FNDC3B: variants seen among roughly 807,000 people sequenced by gnomAD.
FNDC3B encodes the protein fibronectin type III domain containing 3B.
Under a neutral mutation model 151.5 loss-of-function variants are expected in FNDC3B, and 12 were observed. That is an observed-to-expected ratio of 0.08 (90% confidence interval 0.05 to 0.13). FNDC3B has a LOEUF of 0.13. Among genes scored for constraint, FNDC3B ranks in the 10% least tolerant of loss-of-function variants. The probability of loss-of-function intolerance (pLI) is 1.00; values close to 1 mark genes in which losing one functional copy is unlikely to be tolerated. For synonymous variants in FNDC3B, 528 were observed against 549.0 expected (o/e 0.96, Z 0.54); for missense variants, 1,214 against 1,505.3 (o/e 0.81, Z 3.20).
At chr3:172,167,161 T>A (rs1258115143) in intron 3 of FNDC3B, among the ~76,000 whole-genome samples, 6 of 152,214 alleles carry the variant, frequency 3.9e-5, no homozygotes. Context: ...TTTGGGAGGC[T>A]GAGGCGGGCG....
intron 1 of FNDC3B, among the ~76,000 whole-genome samples, chr3:172,105,782 C>A (rs964406817): frequency 5.3e-5 from 8 of 152,152 alleles, no homozygotes; most frequent in Non-Finnish European, 1.0e-4. Flanking sequence ...GCTGTATTTT[C>A]TGAAACTTGA....
chr3:172,342,666 G>A (rs966243427), intron 17 of FNDC3B, among the ~76,000 whole-genome samples: 2 of 151,720 alleles, frequency 1.3e-5, no homozygotes, highest in African/African-American at 2.4e-5. Context: ...CTGTCGTTTT[G>A]TGTTCTCTTC....
intron 1 of FNDC3B, among the ~76,000 whole-genome samples, chr3:172,074,235 T>C (rs1266762735): frequency 1.3e-5 from 2 of 152,204 alleles, no homozygotes; most frequent in Admixed American, 6.5e-5. Context: ...GTGGCCCTCT[T>C]GTGTGCAAGT....
chr3:172,337,983 A>G (rs1240096588), intron 16 of FNDC3B: 1 of 152,532 alleles, frequency 6.6e-6, no homozygotes, highest in Non-Finnish European at 1.5e-5. Flanking sequence ...CTAATTAATC[A>G]GATAAATTTG....
At chr3:172,289,130 T>C (rs1204201381) in intron 7 of FNDC3B, among the ~76,000 whole-genome samples, 1 of 152,216 alleles carries the variant, frequency 6.6e-6, no homozygotes, top group African/African-American at 2.4e-5. Flanking sequence ...ATCAAGGTGT[T>C]GGCAGGGCTA....
In FNDC3B at chr3:172,401,319, T is replaced by C. The variant is rs1736569184; in HGVS notation, c.*3844T>C. On this transcript the variant is annotated 3_prime_UTR_variant, in exon 26 of 26. Coordinates refer to ENST00000415807, the MANE Select transcript of FNDC3B (RefSeq NM_022763.4). ...GGCCTTCTGCAGAGACAGCAGCAGC[T>C]CAGCTCTTGCTGACCAAGGCCTTGG... is the stretch of plus-strand genomic sequence containing the variant. 1 of 152,230 alleles carries C rather than the reference T, an allele frequency of 6.6e-6. No individual in the cohort carries two copies. The highest frequency in any genetic ancestry group is 1.5e-5 in the Non-Finnish European group (1 of 68,062). 9.4% of individuals were successfully genotyped at this position (152,230 alleles called of 1,614,324 possible). A position where few individuals can be genotyped will look rare whatever the true frequency, so the allele number is the denominator to read the frequency against.
intron 3 of FNDC3B, among the ~76,000 whole-genome samples, chr3:172,166,416 A>G (rs1203012520): frequency 6.6e-6 from 1 of 151,078 alleles, no homozygotes; most frequent in African/African-American, 2.4e-5. Flanking sequence ...TTGACCTCCC[A>G]CCATTGAAAT....
chr3:172,361,732 C>G (rs1480198590), intron 22 of FNDC3B, among the ~76,000 whole-genome samples: 2 of 152,198 alleles, frequency 1.3e-5, no homozygotes, highest in East Asian at 1.9e-4. Context: ...TAGCAACCCT[C>G]TACTCCTCAA....
At chr3:172,268,662 T>C (rs1026371193) in intron 6 of FNDC3B, among the ~76,000 whole-genome samples, 1 of 152,220 alleles carries the variant, frequency 6.6e-6, no homozygotes, top group Non-Finnish European at 1.5e-5. Flanking sequence ...TTCGTGGTAT[T>C]GCTAGGACCT....
chr3:172,208,681 G>T (rs930920403), intron 3 of FNDC3B, among the ~76,000 whole-genome samples: 5 of 150,768 alleles, frequency 3.3e-5, no homozygotes, highest in African/African-American at 1.2e-4. Context: ...CGGCGCCTCT[G>T]CTTGAGTTTT....
At chr3:172,200,812 C>T (rs1725108839) in intron 3 of FNDC3B, among the ~76,000 whole-genome samples, 1 of 152,130 alleles carries the variant, frequency 6.6e-6, no homozygotes, top group Non-Finnish European at 1.5e-5. Flanking sequence ...AGATAAGTGA[C>T]CTAGCTTGAA....
chr3:172,358,451 C>T (rs1734201097), intron 22 of FNDC3B, among the ~76,000 whole-genome samples: 1 of 152,242 alleles, frequency 6.6e-6, no homozygotes, highest in Non-Finnish European at 1.5e-5. Context: ...AGATCTTTGT[C>T]TCACTCTCAC....
chr3:172,378,423 C>T lies in FNDC3B; in HGVS notation c.3162C>T (p.Pro1054=). The T allele has an allele frequency of 6.2e-7, 1 of 1,611,538 alleles. No homozygotes were observed. The highest frequency in any genetic ancestry group is 8.5e-7 in the Non-Finnish European group (1 of 1,179,002). ...CCTTCAGCACAACCAAAAGTGTCCC[C>T]CCCACCATCAAAGGTGTGTAGACTA... ...TYTFSTTKSV[P]PTIKAPRVTQ... The change falls in exon 24 of 26, where the codon CCC becomes CCT. Residue 1054 remains proline (P), a synonymous_variant. Transcript: ENST00000415807.
At chr3:172,215,946 A>T (rs879312639) in intron 3 of FNDC3B, among the ~76,000 whole-genome samples, 3,750 of 152,196 alleles carry the variant, frequency 0.025, 70 homozygotes, top group Middle Eastern at 0.058. Flanking sequence ...TACCACTAGG[A>T]GTCATGCTCA....
intron 23 of FNDC3B, among the ~76,000 whole-genome samples, chr3:172,371,680 G>A (rs923353229): frequency 1.3e-5 from 2 of 152,154 alleles, no homozygotes; most frequent in African/African-American, 2.4e-5. Context: ...AATGCCCGAC[G>A]CTATGGGCAG....
At chr3:172,310,019 G>A (rs1731387349) in intron 10 of FNDC3B, among the ~76,000 whole-genome samples, 1 of 152,082 alleles carries the variant, frequency 6.6e-6, no homozygotes, top group Non-Finnish European at 1.5e-5. Context: ...TGTTTTTGAA[G>A]TGGGAGACAC....
chr3:172,195,655 A>G (rs4331695), intron 3 of FNDC3B, among the ~76,000 whole-genome samples: 13,726 of 152,184 alleles, frequency 0.09, 1,082 homozygotes, highest in African/African-American at 0.22. Context: ...GTTCTTGACT[A>G]TTGTTTAGAG....
At chr3:172,100,517 A>G (rs1719330012) in intron 1 of FNDC3B, among the ~76,000 whole-genome samples, 5 of 152,334 alleles carry the variant, frequency 3.3e-5, no homozygotes, top group Admixed American at 2.0e-4. Flanking sequence ...TATGTTTTCA[A>G]AATGTTTATC....
At chr3:172,358,792 ATCT>A (rs1576943974) in intron 22 of FNDC3B, among the ~76,000 whole-genome samples, 1 of 152,334 alleles carries the variant, frequency 6.6e-6, no homozygotes, top group East Asian at 1.9e-4. Context: ...TAGTTAGGTA[ATCT>A]TCTTTGTAAT....
Sources: allele counts gnomAD v4.1 joint callset (sites outside exome capture counted in the v4.1 genomes callset), GRCh38; gene constraint gnomAD v4.1.1; transcripts MANE v1.5; gene names NCBI Gene and HGNC (gene_info 2026-07-23, HGNC 2026-07-21).